Variants in JMJD1C observed in about 807,000 individuals in gnomAD.
JMJD1C encodes the protein jumonji domain containing 1C, also known as jumonji domain-containing protein 1C.
Under a neutral mutation model 245.3 loss-of-function variants are expected in JMJD1C, and 31 were observed. The observed-to-expected ratio is 0.13, with a 90% CI of 0.09 to 0.17. JMJD1C has a LOEUF of 0.17. Ranked by LOEUF, JMJD1C falls within the 10% of genes least tolerant of loss-of-function variation. The pLI is 1.00. For synonymous variants in JMJD1C, 1,057 were observed against 1,017.4 expected (o/e 1.04, Z -0.74); for missense variants, 2,691 against 3,000.2 (o/e 0.90, Z 2.41).
At chr10:63,513,747 C>T (rs1202071892) in intron 1 of JMJD1C, among the ~76,000 whole-genome samples, 2 of 151,918 alleles carry the variant, frequency 1.3e-5, no homozygotes, top group Non-Finnish European at 2.9e-5. Context: ...CCCGTCTCTA[C>T]TAAAAATACA....
intron 16 of JMJD1C, among the ~76,000 whole-genome samples, chr10:63,192,577 C>A (rs66526056): frequency 0.14 from 21,485 of 151,958 alleles, 3,471 homozygotes; most frequent in African/African-American, 0.4. Context: ...CTCCCCGACC[C>A]CTAAAAAGAA....
At chr10:63,239,622 T>C (rs1851236219) in intron 3 of JMJD1C, among the ~76,000 whole-genome samples, 1 of 152,136 alleles carries the variant, frequency 6.6e-6, no homozygotes, top group African/African-American at 2.4e-5. Context: ...TTTTTGTATT[T>C]TTAGTAGAAA....
intron 1 of JMJD1C, among the ~76,000 whole-genome samples, chr10:63,432,095 A>G (rs1305718432): frequency 6.6e-6 from 1 of 152,224 alleles, no homozygotes; most frequent in Non-Finnish European, 1.5e-5. Context: ...AAAGAAGCTC[A>G]GCCCAGTGGT....
chr10:63,471,739 T>C (rs1299420117), intron 1 of JMJD1C, among the ~76,000 whole-genome samples: 1 of 152,110 alleles, frequency 6.6e-6, no homozygotes, highest in Non-Finnish European at 1.5e-5. Flanking sequence ...CATAAAACCA[T>C]TATATTAAAA....
intron 2 of JMJD1C, among the ~76,000 whole-genome samples, chr10:63,326,069 C>T (rs1160538412): frequency 2.0e-5 from 3 of 152,038 alleles, no homozygotes; most frequent in African/African-American, 7.3e-5. Context: ...ACATCTTTCA[C>T]GTAATGAAGT....
At chr10:63,476,924 G>A (rs1953679594) in intron 1 of JMJD1C, among the ~76,000 whole-genome samples, 2 of 152,108 alleles carry the variant, frequency 1.3e-5, no homozygotes, top group Admixed American at 1.3e-4. Context: ...TAAAAGGAAT[G>A]AGAGGGGTGA....
At chr10:63,465,413 G>A (rs957132313) in intron 1 of JMJD1C, 82 bp downstream of exon 1, 13 of 1,364,662 alleles carry the variant, frequency 9.5e-6, no homozygotes, top group Non-Finnish European at 1.3e-5. Context: ...TGAGCGAGGC[G>A]CCAGAGGGAA....
In JMJD1C at chr10:63,207,140, T is replaced by C; in HGVS notation, c.4529A>G (p.Gln1510Arg). The change falls in exon 10 of 26, where the codon CAG becomes CGG. Residue 1510 changes from glutamine to arginine, a missense_variant. Gln to Arg is a conservative substitution (Grantham distance 43). Around this residue, in one of 9 missense-constraint regions of JMJD1C, gnomAD observed 1,562 missense variants for 1,490.7 expected, o/e 1.05. Transcript: ENST00000399262. ...SETEPNAIKN[Q>R]TLSASLPLDS... ...CAGAGGAAGGGAGGCTGAAAGTGTC[T>C]GATTTTTTATAGCATTAGGTTCAGT... 1 of 1,614,198 alleles carries C rather than the reference T, an allele frequency of 6.2e-7. No homozygotes were observed. Among genetic ancestry groups the C allele is most frequent in the African/African-American group, 1.3e-5 (1 of 75,062 alleles).
chr10:63,474,442 CCT>C, intron 1 of JMJD1C, among the ~76,000 whole-genome samples: 1 of 151,772 alleles, frequency 6.6e-6, no homozygotes, highest in Non-Finnish European at 1.5e-5. Flanking sequence ...AATAAAAACA[CCT>C]TTTTTTTTTG....
At chr10:63,250,640 T>C (rs1278470998) in intron 3 of JMJD1C, among the ~76,000 whole-genome samples, 4 of 152,226 alleles carry the variant, frequency 2.6e-5, no homozygotes, top group Non-Finnish European at 5.9e-5. Context: ...ACTGTTAATA[T>C]GTGATGGAAC....
intron 2 of JMJD1C, among the ~76,000 whole-genome samples, chr10:63,295,938 C>CATATATATATATATAT (rs10653796): frequency 7.8e-5 from 9 of 115,180 alleles, no homozygotes; most frequent in South Asian, 6.1e-4. Flanking sequence ...CATGTGTATA[C>CATATATATATATATAT]ATATATATAT....
intron 1 of JMJD1C, among the ~76,000 whole-genome samples, chr10:63,456,791 A>C (rs1484481701): frequency 6.6e-6 from 1 of 152,192 alleles, no homozygotes; most frequent in South Asian, 2.1e-4. Context: ...AGAAACCTGA[A>C]ATAATGAAGA....
intron 3 of JMJD1C, among the ~76,000 whole-genome samples, chr10:63,261,522 A>C (rs561167417): frequency 6.6e-6 from 1 of 152,284 alleles, no homozygotes; most frequent in East Asian, 1.9e-4. Context: ...CGGAGGTTGC[A>C]GTGAGCTGAG....
chr10:63,337,755 C>T (rs372988391), intron 2 of JMJD1C, among the ~76,000 whole-genome samples: 10 of 152,182 alleles, frequency 6.6e-5, no homozygotes, highest in African/African-American at 2.4e-4. Context: ...GAAGAGCAAG[C>T]TGATGAGCCA....
intron 8 of JMJD1C, among the ~76,000 whole-genome samples, chr10:63,211,464 CA>C (rs71025124): frequency 0.67 from 68,935 of 103,374 alleles, 21,140 homozygotes; most frequent in Non-Finnish European, 0.74. Flanking sequence ...GACTCCATCT[CA>C]AAAAAAAAAA....
At chr10:63,453,002 G>A (rs1290956341) in intron 1 of JMJD1C, among the ~76,000 whole-genome samples, 1 of 152,104 alleles carries the variant, frequency 6.6e-6, no homozygotes, top group African/African-American at 2.4e-5. Flanking sequence ...AATGAGCTGT[G>A]CGTGGCTCAC....
At chr10:63,447,710 T>C (rs904688246) in intron 1 of JMJD1C, among the ~76,000 whole-genome samples, 2 of 151,972 alleles carry the variant, frequency 1.3e-5, no homozygotes, top group African/African-American at 4.8e-5. Context: ...GCAGTATAAG[T>C]GCATTGTCCA....
At chr10:63,311,606 C>T (rs1266639935) in intron 2 of JMJD1C, among the ~76,000 whole-genome samples, 1 of 151,978 alleles carries the variant, frequency 6.6e-6, no homozygotes, top group Non-Finnish European at 1.5e-5. Context: ...AATACATAAT[C>T]GAAATCATGA....
At chr10:63,406,136 C>T (rs1228253631) in intron 1 of JMJD1C, among the ~76,000 whole-genome samples, 1 of 152,122 alleles carries the variant, frequency 6.6e-6, no homozygotes, top group Non-Finnish European at 1.5e-5. Flanking sequence ...CTCACACCTC[C>T]TGCTTTGTAT....
Sources: gnomAD v4.1 joint callset for allele counts (sites outside exome capture counted in the v4.1 genomes callset) on GRCh38, gnomAD v4.1.1 for gene constraint, gnomAD v4.1.1 regional missense constraint, MANE v1.5 for transcripts, NCBI Gene and HGNC (gene_info 2026-07-23, HGNC 2026-07-21) for gene names.